The following ZNF398 variants were observed in gnomAD, a reference collection of about 807,000 sequenced individuals.
ZNF398 encodes the protein zinc finger DNA binding protein ZER6.
A neutral mutation model predicts 41.9 loss-of-function variants in ZNF398; 18 were observed. That is an observed-to-expected ratio of 0.43 (90% confidence interval 0.30 to 0.64). The LOEUF is 0.64. ZNF398 is among the 30% of genes least tolerant of loss of function. The pLI, the probability that ZNF398 is intolerant of heterozygous loss-of-function variation, is 0.14. For missense variants in ZNF398, 669 were observed against 822.8 expected, an observed-to-expected ratio of 0.81 and a Z score of 2.29; for synonymous variants, 260 against 308.8, an observed-to-expected ratio of 0.84 and a Z score of 1.66.
chr7:149,162,443 A>G (rs1795130166), intron 2 of ZNF398, among the ~76,000 whole-genome samples: 1 of 152,006 alleles, frequency 6.6e-6, no homozygotes, highest in African/African-American at 2.4e-5. Flanking sequence ...CGGCCTCTCA[A>G]AGTGCTGGGA....
At chr7:149,143,357 T>C (rs77398539), upstream of ZNF398, among the ~76,000 whole-genome samples, 17 of 152,316 alleles carry the variant, frequency 1.1e-4, no homozygotes, top group East Asian at 3.3e-3. Context: ...AAAGAGTTTG[T>C]TGGAACTTGC....
chr7:149,154,359 G>A lies in ZNF398; in HGVS notation c.420+19G>A. 2 of 1,578,898 alleles carry A rather than the reference G, an allele frequency of 1.3e-6. No individual in the cohort carries two copies. Among genetic ancestry groups the A allele is most frequent in the Non-Finnish European group, 8.6e-7 (1 of 1,161,856 alleles). On this transcript the variant is annotated intron_variant, in intron 2 of 5. Coordinates refer to ENST00000475153, the MANE Select transcript of ZNF398 (RefSeq NM_170686.3). ...CCCAAAGGTAATACCTTCATTTCTAGATGTAAAGTGGTACCACTAGAACTT... is the reference window on the plus strand; with the variant it reads ...CCCAAAGGTAATACCTTCATTTCTAAATGTAAAGTGGTACCACTAGAACTT...
chr7:149,132,193 T>A (rs1826609093), intron 2 of ZNF398, among the ~76,000 whole-genome samples: 1 of 98,814 alleles, frequency 1.0e-5, no homozygotes, highest in Non-Finnish European at 1.9e-5. Context: ...ATTCTCTCTC[T>A]CTTTTTTTTT....
At chr7:149,156,018 G>A (rs965089634) in intron 2 of ZNF398, among the ~76,000 whole-genome samples, 25 of 151,878 alleles carry the variant, frequency 1.6e-4, no homozygotes, top group South Asian at 6.2e-4. Context: ...GAGCCACCGC[G>A]CCCGGCCAGT....
At chr7:149,144,343 G>A (rs563577507), upstream of ZNF398, among the ~76,000 whole-genome samples, 2 of 152,232 alleles carry the variant, frequency 1.3e-5, no homozygotes, top group Non-Finnish European at 2.9e-5. Flanking sequence ...TGGGATGTCA[G>A]TCTGTCGCCC....
chr7:149,134,439 G>C (rs1385674848), intron 2 of ZNF398, among the ~76,000 whole-genome samples: 1 of 150,050 alleles, frequency 6.7e-6, no homozygotes, highest in East Asian at 2.0e-4. Flanking sequence ...CCAGGCTGGA[G>C]TGCAGTGGTG....
chr7:149,142,942 T>G (rs1323589048), upstream of ZNF398, among the ~76,000 whole-genome samples: 1 of 152,176 alleles, frequency 6.6e-6, no homozygotes. Flanking sequence ...CCATCTTCAG[T>G]TTTACATTCA....
intron 2 of ZNF398, among the ~76,000 whole-genome samples, chr7:149,159,754 ACTCTGT>A (rs1477877365): frequency 2.0e-5 from 3 of 151,066 alleles, no homozygotes; most frequent in African/African-American, 7.3e-5. Flanking sequence ...ATGGAGTCTC[ACTCTGT>A]CTCTGTTAGA....
chr7:149,142,923 A>G (rs1290746232), upstream of ZNF398, among the ~76,000 whole-genome samples: 2 of 152,192 alleles, frequency 1.3e-5, no homozygotes, highest in Non-Finnish European at 2.9e-5. Flanking sequence ...AGCACACTAT[A>G]GTTTGTTCCC....
chr7:149,166,337 T>C, intron 3 of ZNF398, 53 bp downstream of exon 3: 1 of 1,602,784 alleles, frequency 6.2e-7, no homozygotes, highest in African/African-American at 1.3e-5. Context: ...CCAAGAGGGC[T>C]CAGAACAGTC....
chr7:149,172,553 A>G (rs1795369672), intron 4 of ZNF398, among the ~76,000 whole-genome samples: 1 of 152,212 alleles, frequency 6.6e-6, no homozygotes, highest in African/African-American at 2.4e-5. Flanking sequence ...TTATGTGAAA[A>G]GGTGAAATTT....
In ZNF398 at chr7:149,133,678, T is replaced by C. The variant is rs868739852; in HGVS notation, c.-490+4734T>C. Reference sequence around the variant, plus strand: ...AAATATATATATATATATATATATATACATATATATGTGTGTATATATATA... The same window carrying C: ...AAATATATATATATATATATATATACACATATATATGTGTGTATATATATA... On this transcript the variant is annotated intron_variant, in intron 2 of 6. Coordinates refer to the ZNF398 transcript ENST00000426851. Among the ~76,000 whole-genome samples, 270 of 67,006 alleles carry C rather than the reference T, an allele frequency of 4.0e-3. 9 individuals are homozygous for C. The East Asian group carries it at 0.043, about 11-fold the overall frequency. The allele number at this position is 67,006 out of a possible 152,430, so 44.0% of individuals were successfully genotyped here. A position where few individuals can be genotyped will look rare whatever the true frequency, so the allele number is the denominator to read the frequency against.
chr7:149,143,317 T>A (rs2129519731), upstream of ZNF398, among the ~76,000 whole-genome samples: 1 of 152,334 alleles, frequency 6.6e-6, no homozygotes, highest in East Asian at 1.9e-4. Flanking sequence ...GTAGCAAGAT[T>A]TACCAATAAC....
rs59895177 is a variant in ZNF398, at chr7:149,148,863, C to CTTTTTTTTTTTTTT, written c.24+1112_24+1125dup. ...TTTATGCACGGACCTTTTTCTTTGT[C>CTTTTTTTTTTTTTT]TTTTTTTTTTTTTTTTTTTTTTTTT... is the stretch of plus-strand genomic sequence containing the variant. On this transcript the variant is annotated intron_variant, in intron 1 of 5. Coordinates refer to ENST00000475153, the MANE Select transcript of ZNF398 (RefSeq NM_170686.3). Among the ~76,000 whole-genome samples, 123 of 63,276 alleles carry CTTTTTTTTTTTTTT rather than the reference C, an allele frequency of 1.9e-3. 18 individuals are homozygous for CTTTTTTTTTTTTTT. Among genetic ancestry groups the CTTTTTTTTTTTTTT allele is most frequent in the East Asian group, 2.4e-3 (4 of 1,650 alleles). 41.5% of individuals were successfully genotyped at this position (63,276 alleles called of 152,430 possible). A position where few individuals can be genotyped will look rare whatever the true frequency, so the allele number is the denominator to read the frequency against.
In ZNF398 at chr7:149,182,033, G is replaced by A. The variant is rs1195133064; in HGVS notation, c.*2232G>A. On this transcript the variant is annotated 3_prime_UTR_variant, in exon 6 of 6. Transcript: ENST00000475153. ...GTATGCTGGAGGAGGGACTCCTAAAGTAGGTGAGATGTGGGACTAGGTAAC... is the reference window on the plus strand; with the variant it reads ...GTATGCTGGAGGAGGGACTCCTAAAATAGGTGAGATGTGGGACTAGGTAAC... 1 of 152,230 alleles carries A rather than the reference G, an allele frequency of 6.6e-6. No individual in the cohort carries two copies. The highest frequency in any genetic ancestry group is 1.5e-5 in the Non-Finnish European group (1 of 68,044). The allele number at this position is 152,230 out of a possible 1,614,324, so 9.4% of individuals were successfully genotyped here.
At chr7:149,167,634 C>CTTTTTTTTTTTTTT (rs1163487497) in intron 4 of ZNF398, among the ~76,000 whole-genome samples, 1 of 133,972 alleles carries the variant, frequency 7.5e-6, no homozygotes, top group Non-Finnish European at 1.6e-5. Context: ...TTTTTCTTTT[C>CTTTTTTTTTTTTTT]TTTTTTTTTT....
intron 4 of ZNF398, among the ~76,000 whole-genome samples, chr7:149,169,847 A>C (rs1239972243): frequency 1.3e-5 from 2 of 152,202 alleles, no homozygotes; most frequent in Non-Finnish European, 2.9e-5. Context: ...GAGGACTCAC[A>C]GGATTCCCAT....
chr7:149,163,797 A>G (rs1795165083), intron 2 of ZNF398, among the ~76,000 whole-genome samples: 1 of 152,140 alleles, frequency 6.6e-6, no homozygotes, highest in African/African-American at 2.4e-5. Context: ...ATTACATAAA[A>G]CTGAACAAGA....
intron 2 of ZNF398, among the ~76,000 whole-genome samples, chr7:149,132,545 C>T (rs1826619529): frequency 6.6e-6 from 1 of 152,062 alleles, no homozygotes; most frequent in Non-Finnish European, 1.5e-5. Context: ...TATGGGACCT[C>T]TAGACCTCAG....
Sources: allele counts gnomAD v4.1 joint callset (sites outside exome capture counted in the v4.1 genomes callset), GRCh38; gene constraint gnomAD v4.1.1; transcripts MANE v1.5; gene names NCBI Gene and HGNC (gene_info 2026-07-23, HGNC 2026-07-21).